KIF26B: variants seen among roughly 807,000 people sequenced by gnomAD.
The protein encoded by KIF26B is kinesin family member 26B, also known as kinesin-like protein KIF26B.
In KIF26B, 63 loss-of-function variants were observed where a neutral mutation model predicts 151.2. That is an observed-to-expected ratio of 0.42 (90% CI 0.34 to 0.51). KIF26B has a LOEUF of 0.51. Ranked by LOEUF, KIF26B falls within the 20% of genes least tolerant of loss-of-function variation. The pLI is 0.07. For synonymous variants in KIF26B, 1,357 were observed against 1,262.1 expected, an observed-to-expected ratio of 1.08 and a Z score of -1.59; for missense variants, 2,813 against 2,913.6, an observed-to-expected ratio of 0.97 and a Z score of 0.79.
chr1:245,390,210 G>GTTTAT (rs1241508632), intron 3 of KIF26B, among the ~76,000 whole-genome samples: 1 of 148,506 alleles, frequency 6.7e-6, no homozygotes, highest in Non-Finnish European at 1.5e-5. Context: ...TGTTACTTGA[G>GTTTAT]TTTATTTTAT....
chr1:245,538,937 T>TC (rs1661542700), intron 4 of KIF26B, among the ~76,000 whole-genome samples: 1 of 152,104 alleles, frequency 6.6e-6, no homozygotes, highest in Non-Finnish European at 1.5e-5. Context: ...AAGGAATGAC[T>TC]GGTCATTGAA....
intron 4 of KIF26B, among the ~76,000 whole-genome samples, chr1:245,531,359 G>C (rs572063638): frequency 6.6e-6 from 1 of 152,152 alleles, no homozygotes; most frequent in Non-Finnish European, 1.5e-5. Flanking sequence ...CAAGTCCCAG[G>C]TCTGAGAGTC....
intron 9 of KIF26B, among the ~76,000 whole-genome samples, chr1:245,631,408 T>G (rs1558244092): frequency 6.6e-6 from 1 of 152,230 alleles, no homozygotes; most frequent in Non-Finnish European, 1.5e-5. Flanking sequence ...CTCTCATATG[T>G]TGATGTGATG....
chr1:245,487,105 G>GT (rs1011536274), intron 4 of KIF26B, among the ~76,000 whole-genome samples: 1 of 152,004 alleles, frequency 6.6e-6, no homozygotes, highest in Admixed American at 6.6e-5. Context: ...AGAATGGGGG[G>GT]GGTGGTTAGA....
chr1:245,635,332 T>A (rs1305730349), intron 9 of KIF26B, among the ~76,000 whole-genome samples: 1 of 152,214 alleles, frequency 6.6e-6, no homozygotes, highest in Non-Finnish European at 1.5e-5. Context: ...GGGCCATTTT[T>A]ATTATCTATT....
At chr1:245,416,112 C>CAAAAAAAAAAAAAAAAAAAAA (rs375247191) in intron 3 of KIF26B, among the ~76,000 whole-genome samples, 1 of 124,878 alleles carries the variant, frequency 8.0e-6, no homozygotes, top group African/African-American at 3.0e-5. Flanking sequence ...AGTAAAAATA[C>CAAAAAAAAAAAAAAAAAAAAA]AAAAAAAAAA....
intron 4 of KIF26B, among the ~76,000 whole-genome samples, chr1:245,524,792 G>GC (rs1558199487): frequency 6.6e-6 from 1 of 151,816 alleles, no homozygotes; most frequent in Non-Finnish European, 1.5e-5. Context: ...AATAGCCGAG[G>GC]CCCCCCTTAT....
chr1:245,599,018 C>A (rs1258990767), intron 5 of KIF26B, among the ~76,000 whole-genome samples: 1 of 152,130 alleles, frequency 6.6e-6, no homozygotes, highest in African/African-American at 2.4e-5. Context: ...AAGGCCGTGC[C>A]TGTTAACAGC....
At chr1:245,319,506 G>A (rs558486538) in intron 2 of KIF26B, among the ~76,000 whole-genome samples, 40 of 134,406 alleles carry the variant, frequency 3.0e-4, no homozygotes, top group African/African-American at 1.1e-3. Flanking sequence ...TAATTACTAC[G>A]CCAAGTTTTT....
At chr1:245,521,163 C>T (rs866322789) in intron 4 of KIF26B, among the ~76,000 whole-genome samples, 88 of 152,220 alleles carry the variant, frequency 5.8e-4, no homozygotes, top group African/African-American at 2.1e-3. Flanking sequence ...CGGTGAAACC[C>T]CGTCTTTACT....
intron 9 of KIF26B, among the ~76,000 whole-genome samples, chr1:245,626,837 T>C (rs2043729527): frequency 1.3e-5 from 2 of 152,230 alleles, no homozygotes; most frequent in Admixed American, 1.3e-4. Flanking sequence ...TCCCCTATGT[T>C]TTCATCTGGT....
chr1:245,388,141 T>C (rs1458914823), intron 3 of KIF26B, among the ~76,000 whole-genome samples: 1 of 152,132 alleles, frequency 6.6e-6, no homozygotes, highest in African/African-American at 2.4e-5. Flanking sequence ...TCAGAAACTT[T>C]CCATTAGTAT....
chr1:245,336,651 A>C (rs1363744950), intron 2 of KIF26B, among the ~76,000 whole-genome samples: 1 of 152,184 alleles, frequency 6.6e-6, no homozygotes, highest in East Asian at 1.9e-4. Context: ...AGCCGCCTCC[A>C]GGTTTAGTCA....
At chr1:245,188,627 C>T (rs907543883) in intron 2 of KIF26B, among the ~76,000 whole-genome samples, 5 of 152,192 alleles carry the variant, frequency 3.3e-5, no homozygotes, top group Non-Finnish European at 5.9e-5. Context: ...AATGTAAAAT[C>T]ATGCAGCTGC....
At chr1:245,198,586 G>A (rs993194192) in intron 2 of KIF26B, among the ~76,000 whole-genome samples, 3 of 152,066 alleles carry the variant, frequency 2.0e-5, no homozygotes, top group South Asian at 2.1e-4. Context: ...GCTGGGCATG[G>A]TGGTGGGGGC....
intron 2 of KIF26B, among the ~76,000 whole-genome samples, chr1:245,261,975 C>T (rs189046935): frequency 6.6e-6 from 1 of 152,282 alleles, no homozygotes; most frequent in East Asian, 1.9e-4. Flanking sequence ...AGTTATTTCT[C>T]TCCACAGCAG....
intron 2 of KIF26B, among the ~76,000 whole-genome samples, chr1:245,246,112 A>AAAAAAAAAAAG (rs1558360154): frequency 2.0e-5 from 3 of 148,392 alleles, no homozygotes; most frequent in Non-Finnish European, 1.5e-5. Flanking sequence ...AAAAAAAAAA[A>AAAAAAAAAAAG]AAAGAAAGGT....
intron 4 of KIF26B, among the ~76,000 whole-genome samples, chr1:245,478,408 T>C (rs1034071789): frequency 6.7e-6 from 1 of 149,268 alleles, no homozygotes; most frequent in Non-Finnish European, 1.5e-5. Context: ...CATCGCAGTG[T>C]TTTCACCAGG....
intron 9 of KIF26B, among the ~76,000 whole-genome samples, chr1:245,628,812 T>G (rs903057006): frequency 6.8e-6 from 1 of 147,728 alleles, no homozygotes; most frequent in Admixed American, 7.5e-5. Context: ...AGTCAACTTG[T>G]CTCTGTTTGC....
Sources: allele counts gnomAD v4.1 joint callset (sites outside exome capture counted in the v4.1 genomes callset), GRCh38; gene constraint gnomAD v4.1.1; transcripts MANE v1.5; gene names NCBI Gene and HGNC (gene_info 2026-07-23, HGNC 2026-07-21).